GRID1: variants seen among roughly 807,000 people sequenced by gnomAD.
GRID1 encodes glutamate receptor ionotropic, delta-1.
Under a neutral mutation model 98.0 loss-of-function variants are expected in GRID1, and 28 were observed. The observed-to-expected ratio is 0.29, with a 90% CI of 0.21 to 0.39. The LOEUF (loss-of-function observed/expected upper bound fraction) is 0.39. Among genes scored for constraint, GRID1 ranks in the 10% least tolerant of loss-of-function variants. The pLI is 1.00. For synonymous variants in GRID1, 553 were observed against 538.5 expected (o/e 1.03, Z -0.37); for missense variants, 1,111 against 1,340.5 (o/e 0.83, Z 2.67).
chr10:86,045,768 G>A (rs895528976), intron 4 of GRID1, among the ~76,000 whole-genome samples: 13 of 152,180 alleles, frequency 8.5e-5, no homozygotes. Flanking sequence ...ATAATGACTG[G>A]TCATTGGTGT....
chr10:85,634,872 C>T (rs1464540987), intron 13 of GRID1, among the ~76,000 whole-genome samples: 1 of 151,526 alleles, frequency 6.6e-6, no homozygotes, highest in Non-Finnish European at 1.5e-5. Flanking sequence ...AAACTTAAGT[C>T]ATAAAACCCA....
At chr10:86,109,914 T>A (rs1388172393) in intron 4 of GRID1, among the ~76,000 whole-genome samples, 11 of 151,602 alleles carry the variant, frequency 7.3e-5, no homozygotes, top group African/African-American at 2.2e-4. Flanking sequence ...AAGAAAAAAA[T>A]GCATGTCAAG....
At chr10:85,826,378 T>G (rs1842820264) in intron 8 of GRID1, among the ~76,000 whole-genome samples, 1 of 152,048 alleles carries the variant, frequency 6.6e-6, no homozygotes, top group Admixed American at 6.6e-5. Context: ...AGTCTAGAAT[T>G]GTCAGATTAG....
intron 8 of GRID1, among the ~76,000 whole-genome samples, chr10:85,801,543 T>C (rs1488359000): frequency 1.3e-5 from 2 of 151,700 alleles, no homozygotes; most frequent in Non-Finnish European, 3.0e-5. Context: ...TTAAACAAAT[T>C]AATAGAGAAA....
At chr10:85,675,168 C>T (rs1302127513) in intron 12 of GRID1, among the ~76,000 whole-genome samples, 1 of 152,130 alleles carries the variant, frequency 6.6e-6, no homozygotes, top group Admixed American at 6.5e-5. Context: ...ATTATTCATA[C>T]TCTTGGAGGG....
At chr10:85,765,959 C>T (rs1842193837) in intron 8 of GRID1, among the ~76,000 whole-genome samples, 1 of 152,310 alleles carries the variant, frequency 6.6e-6, no homozygotes, top group African/African-American at 2.4e-5. Flanking sequence ...ATATTGCTGG[C>T]TGCCAGAGGG....
intron 2 of GRID1, among the ~76,000 whole-genome samples, chr10:86,320,891 A>G (rs1847961320): frequency 6.6e-6 from 1 of 152,078 alleles, no homozygotes; most frequent in African/African-American, 2.4e-5. Context: ...CGAGGTCAGG[A>G]GATCAAGACC....
chr10:86,020,346 A>T (rs1314078338), intron 4 of GRID1, among the ~76,000 whole-genome samples: 1 of 152,076 alleles, frequency 6.6e-6, no homozygotes, highest in Non-Finnish European at 1.5e-5. Flanking sequence ...GACTGACAGG[A>T]TGGTTCCTGG....
intron 4 of GRID1, among the ~76,000 whole-genome samples, chr10:85,957,989 C>T (rs2131847345): frequency 6.6e-6 from 1 of 152,328 alleles, no homozygotes; most frequent in African/African-American, 2.4e-5. Flanking sequence ...ACACGTGAAA[C>T]TCCCCCTAAG....
At chr10:86,144,211 T>A (rs1034737460) in intron 3 of GRID1, among the ~76,000 whole-genome samples, 3 of 151,534 alleles carry the variant, frequency 2.0e-5, no homozygotes, top group Non-Finnish European at 4.4e-5. Context: ...CCAAAGAAAA[T>A]AAATGCTGGA....
At chr10:86,344,159 G>A (rs1848350081) in intron 2 of GRID1, among the ~76,000 whole-genome samples, 1 of 152,240 alleles carries the variant, frequency 6.6e-6, no homozygotes, top group South Asian at 2.1e-4. Context: ...GCCTGGGTCT[G>A]CTGTGCCCAC....
At position 85,611,773 on chromosome 10, in the gene GRID1, G is replaced by A. The variant is rs143060619; in HGVS notation, c.2601+1634C>T. On this transcript the variant is annotated intron_variant, in intron 15 of 15. Coordinates refer to ENST00000327946, the MANE Select transcript of GRID1 (RefSeq NM_017551.3). Reference sequence around the variant, plus strand: ...CGTGGAGGGGCTGACATGATGAGGAGAGGTCAGATATGTGTAGCCCTTCCT... The same window carrying A: ...CGTGGAGGGGCTGACATGATGAGGAAAGGTCAGATATGTGTAGCCCTTCCT... Among the ~76,000 whole-genome samples the A allele has an allele frequency of 1.1e-4, 16 of 152,308 alleles. No individual in the cohort carries two copies. The East Asian group carries it at 3.1e-3, about 29-fold the overall frequency.
At chr10:85,755,426 C>T (rs887908669) in intron 8 of GRID1, among the ~76,000 whole-genome samples, 2 of 152,156 alleles carry the variant, frequency 1.3e-5, no homozygotes, top group East Asian at 1.9e-4. Flanking sequence ...TTCAGGATGG[C>T]GTCCAAGGGA....
intron 2 of GRID1, among the ~76,000 whole-genome samples, chr10:86,341,404 G>A (rs1371531029): frequency 1.3e-5 from 2 of 152,032 alleles, no homozygotes; most frequent in Non-Finnish European, 2.9e-5. Context: ...TACTTACGCG[G>A]GTGCCCCTCC....
intron 8 of GRID1, among the ~76,000 whole-genome samples, chr10:85,815,477 G>T (rs1481883923): frequency 6.6e-6 from 1 of 151,934 alleles, no homozygotes; most frequent in Non-Finnish European, 1.5e-5. Context: ...CAGATAAAAT[G>T]ATTCTCTATG....
intron 3 of GRID1, among the ~76,000 whole-genome samples, chr10:86,152,479 C>T (rs1355154462): frequency 1.3e-5 from 2 of 152,366 alleles, no homozygotes; most frequent in East Asian, 3.9e-4. Flanking sequence ...CCTGAAGCCC[C>T]GCTCTGCGCC....
chr10:85,721,863 G>A (rs1412752652), intron 12 of GRID1, among the ~76,000 whole-genome samples: 1 of 152,156 alleles, frequency 6.6e-6, no homozygotes, highest in Non-Finnish European at 1.5e-5. Context: ...GACACACAGA[G>A]AGATGAGTAC....
At chr10:86,057,969 G>A (rs566397486) in intron 4 of GRID1, among the ~76,000 whole-genome samples, 2 of 152,304 alleles carry the variant, frequency 1.3e-5, no homozygotes, top group African/African-American at 4.8e-5. Context: ...CTAACTAGGA[G>A]TTTTGCCTTG....
At chr10:86,007,777 T>A (rs1334759484) in intron 4 of GRID1, among the ~76,000 whole-genome samples, 1 of 152,134 alleles carries the variant, frequency 6.6e-6, no homozygotes, top group Non-Finnish European at 1.5e-5. Flanking sequence ...GACCCCAGTT[T>A]CTAAGTGAAG....
Sources: allele counts gnomAD v4.1 joint callset (sites outside exome capture counted in the v4.1 genomes callset), GRCh38; gene constraint gnomAD v4.1.1; transcripts MANE v1.5; gene names NCBI Gene and HGNC (gene_info 2026-07-23, HGNC 2026-07-21).